The following ZBTB20 variants were observed in gnomAD, a reference collection of about 807,000 sequenced individuals.
ZBTB20 encodes the protein zinc finger and BTB domain containing 20.
ZBTB20 carries 9 observed loss-of-function variants against 56.9 expected under a neutral mutation model. The ratio of observed to expected loss-of-function variants is 0.16; its 90% confidence interval spans 0.10 to 0.28. The LOEUF (loss-of-function observed/expected upper bound fraction) is 0.28. ZBTB20 is among the 10% of genes least tolerant of loss of function. The pLI is 1.00. For missense variants in ZBTB20, 655 were observed against 1,003.0 expected, an observed-to-expected ratio of 0.65 and a Z score of 4.69; for synonymous variants, 417 against 420.7, an observed-to-expected ratio of 0.99 and a Z score of 0.11.
rs1314367991 is a variant in ZBTB20 at position 114,321,531 on chromosome 3, G to A, written c.*17474C>T. ...AAGGTGTGCAAAGTTTCAATGGCAG[G>A]GGCTCTTTACGTTAACTATACCTAA... is the stretch of plus-strand genomic sequence containing the variant. On this transcript the variant is annotated 3_prime_UTR_variant, in exon 12 of 12. Transcript: ENST00000675478. The A allele has an allele frequency of 2.6e-5, 4 of 152,176 alleles. No homozygotes were observed. The highest frequency in any genetic ancestry group is 7.2e-5 in the African/African-American group (3 of 41,428). The allele number at this position is 152,176 out of a possible 1,614,324, so 9.4% of individuals were successfully genotyped here.
intron 2 of ZBTB20, among the ~76,000 whole-genome samples, chr3:115,070,398 A>G (rs1283771881): frequency 1.3e-5 from 2 of 152,178 alleles, no homozygotes; most frequent in African/African-American, 2.4e-5. Flanking sequence ...AACAAATTCA[A>G]AAACAAACAC....
intron 6 of ZBTB20, among the ~76,000 whole-genome samples, chr3:114,547,467 A>T (rs183026111): frequency 6.6e-6 from 1 of 152,304 alleles, no homozygotes; most frequent in Admixed American, 6.5e-5. Context: ...CTGAATGGTA[A>T]TGAAGGGCAA....
At chr3:114,378,310 C>T (rs1050687856) in intron 10 of ZBTB20, among the ~76,000 whole-genome samples, 13 of 152,168 alleles carry the variant, frequency 8.5e-5, no homozygotes, top group Admixed American at 2.6e-4. Flanking sequence ...ATTTAAACAA[C>T]AGGTTGGAAC....
intron 7 of ZBTB20, among the ~76,000 whole-genome samples, chr3:114,411,019 A>G (rs554736852): frequency 1.4e-4 from 22 of 152,346 alleles, no homozygotes; most frequent in African/African-American, 5.3e-4. Context: ...CTCTTAAAAC[A>G]TGGCTTTGAC....
At chr3:114,860,241 A>T (rs2075459280) in intron 4 of ZBTB20, among the ~76,000 whole-genome samples, 1 of 151,848 alleles carries the variant, frequency 6.6e-6, no homozygotes, top group African/African-American at 2.4e-5. Context: ...CGGGAGGTGG[A>T]GGTTGCAGTG....
chr3:114,547,402 A>G (rs1164851304), intron 6 of ZBTB20, among the ~76,000 whole-genome samples: 2 of 152,224 alleles, frequency 1.3e-5, no homozygotes, highest in Non-Finnish European at 2.9e-5. Context: ...AATAAAAGAA[A>G]GAGGCTGAAT....
At chr3:114,922,174 C>CCAAATTT (rs1235379156) in intron 3 of ZBTB20, among the ~76,000 whole-genome samples, 6 of 152,172 alleles carry the variant, frequency 3.9e-5, no homozygotes, top group Admixed American at 1.3e-4. Context: ...ACAGAAGGAA[C>CCAAATTT]GTACCTCAAC....
At chr3:114,590,319 G>A (rs1198561478) in intron 6 of ZBTB20, among the ~76,000 whole-genome samples, 2 of 151,954 alleles carry the variant, frequency 1.3e-5, no homozygotes, top group Non-Finnish European at 2.9e-5. Context: ...AGCCAGTCAT[G>A]ATGGTGGGCA....
At chr3:114,495,279 A>G (rs990688076) in intron 7 of ZBTB20, among the ~76,000 whole-genome samples, 2 of 152,178 alleles carry the variant, frequency 1.3e-5, no homozygotes, top group Admixed American at 1.3e-4. Context: ...TTAAAGCGTG[A>G]ATGTGGGGGA....
At chr3:114,885,615 G>C (rs753803084) in intron 4 of ZBTB20, among the ~76,000 whole-genome samples, 1 of 151,538 alleles carries the variant, frequency 6.6e-6, no homozygotes, top group Admixed American at 6.6e-5. Flanking sequence ...ACTAAAACAG[G>C]TTAATTCAAT....
intron 1 of ZBTB20, among the ~76,000 whole-genome samples, chr3:115,104,245 T>C (rs2083660430): frequency 6.6e-6 from 1 of 152,166 alleles, no homozygotes; most frequent in East Asian, 1.9e-4. Flanking sequence ...TCATTCATTG[T>C]TGGTAGGAAT....
intron 7 of ZBTB20, among the ~76,000 whole-genome samples, chr3:114,428,230 A>G (rs547579788): frequency 5.3e-5 from 8 of 152,308 alleles, no homozygotes; most frequent in African/African-American, 1.9e-4. Context: ...CATATTAATG[A>G]CTTAAAAACC....
rs377026731 is a variant in ZBTB20 at position 114,365,804 on chromosome 3, T to A, written c.200-13926A>T. ...ACCAGATTATACTACAAAGTTGACC[T>A]GCCATATTGCTATTAGAATTAAAAC... On this transcript the variant is annotated intron_variant, in intron 10 of 11. Transcript: ENST00000675478. Among the ~76,000 whole-genome samples, 85 of 152,324 alleles carry A rather than the reference T, an allele frequency of 5.6e-4. 2 individuals carry two copies. The South Asian group carries it at 0.017, about 30-fold the overall frequency.
At chr3:114,962,150 C>T (rs925287409) in intron 3 of ZBTB20, among the ~76,000 whole-genome samples, 1 of 151,250 alleles carries the variant, frequency 6.6e-6, no homozygotes, top group Admixed American at 6.6e-5. Flanking sequence ...ACTTTCTAAG[C>T]TCCCTTTTCC....
At chr3:114,797,989 A>G (rs2071434002) in intron 5 of ZBTB20, among the ~76,000 whole-genome samples, 1 of 151,998 alleles carries the variant, frequency 6.6e-6, no homozygotes, top group African/African-American at 2.4e-5. Flanking sequence ...AATGAAAGCA[A>G]TGTGAAACAA....
intron 6 of ZBTB20, among the ~76,000 whole-genome samples, chr3:114,560,060 T>C (rs758111436): frequency 2.6e-5 from 4 of 152,138 alleles, no homozygotes; most frequent in Non-Finnish European, 4.4e-5. Flanking sequence ...ATTGATGCAG[T>C]GTTGTTTTGG....
chr3:115,130,904 G>A (rs1423353741), intron 1 of ZBTB20, among the ~76,000 whole-genome samples: 4 of 152,178 alleles, frequency 2.6e-5, no homozygotes, highest in South Asian at 2.1e-4. Context: ...TGGGATTACA[G>A]GCATGCACCA....
intron 5 of ZBTB20, among the ~76,000 whole-genome samples, chr3:114,763,124 AAAC>A (rs1391192011): frequency 6.6e-6 from 1 of 152,208 alleles, no homozygotes; most frequent in African/African-American, 2.4e-5. Context: ...CAGTTTTTCT[AAAC>A]AAGAAGTTTA....
At chr3:114,612,525 G>A (rs2107698837) in intron 6 of ZBTB20, among the ~76,000 whole-genome samples, 1 of 152,194 alleles carries the variant, frequency 6.6e-6, no homozygotes, top group East Asian at 1.9e-4. Context: ...AAGTCCAAAA[G>A]AGGATGACAA....
Sources: allele counts gnomAD v4.1 joint callset (sites outside exome capture counted in the v4.1 genomes callset), GRCh38; gene constraint gnomAD v4.1.1; transcripts MANE v1.5; gene names NCBI Gene and HGNC (gene_info 2026-07-23, HGNC 2026-07-21).